SLC10A7: variants seen among roughly 807,000 people sequenced by gnomAD.
SLC10A7 encodes the protein sodium/bile acid cotransporter 7.
SLC10A7 carries 29 observed loss-of-function variants against 43.2 expected under a neutral mutation model. The observed-to-expected ratio is 0.67, with a 90% CI of 0.50 to 0.92. SLC10A7 has a LOEUF of 0.92. Among genes scored for constraint, SLC10A7 ranks in the 40% least tolerant of loss-of-function variants. The probability of loss-of-function intolerance (pLI) is 0.00; values close to 1 mark genes in which losing one functional copy is unlikely to be tolerated. For missense variants in SLC10A7, 295 were observed against 403.2 expected (o/e 0.73, Z 2.30); for synonymous variants, 152 against 144.8 (o/e 1.05, Z -0.35).
intron 5 of SLC10A7, among the ~76,000 whole-genome samples, chr4:146,438,237 GCC>G (rs1408594237): frequency 6.6e-6 from 1 of 151,962 alleles, no homozygotes; most frequent in Non-Finnish European, 1.5e-5. Context: ...TAGTTTTTCA[GCC>G]CAAGGCAAGG....
At chr4:146,368,272 A>G (rs2244317) in intron 5 of SLC10A7, among the ~76,000 whole-genome samples, 1 of 152,202 alleles carries the variant, frequency 6.6e-6, no homozygotes, top group Non-Finnish European at 1.5e-5. Context: ...CAACCCTTTC[A>G]GTCAAGGTTG....
intron 1 of SLC10A7, among the ~76,000 whole-genome samples, chr4:146,519,115 TATAA>T (rs1738355421): frequency 9.4e-6 from 1 of 106,064 alleles, no homozygotes; most frequent in Non-Finnish European, 1.9e-5. Flanking sequence ...ATATATATAA[TATAA>T]TATATAATTA....
intron 4 of SLC10A7, among the ~76,000 whole-genome samples, chr4:146,485,613 C>A (rs1312776142): frequency 2.0e-5 from 3 of 152,140 alleles, no homozygotes; most frequent in Admixed American, 6.5e-5. Context: ...CTAACTATGA[C>A]GGCTTCTGGA....
At chr4:146,283,386 TAA>T in intron 9 of SLC10A7, 121 bp from the exon 10 acceptor site, 1 of 723,626 alleles carries the variant, frequency 1.4e-6, no homozygotes, top group Non-Finnish European at 2.4e-6. Flanking sequence ...GTGACAGTAG[TAA>T]TTCTACACCC....
chr4:146,335,250 GTAAAAA>G (rs1476085423), intron 5 of SLC10A7, among the ~76,000 whole-genome samples: 6 of 70,624 alleles, frequency 8.5e-5, no homozygotes, highest in Admixed American at 6.8e-4. Context: ...CACAGATGTT[GTAAAAA>G]AAAAAAAAAA....
Position 146,345,967 on chromosome 4 carries a change from C to T in SLC10A7, c.436-19971G>A, listed in dbSNP as rs529555164. Among the ~76,000 whole-genome samples, 4 of 152,212 alleles carry T rather than the reference C, an allele frequency of 2.6e-5. No homozygotes were observed. In the East Asian group the frequency reaches 7.7e-4, roughly 29 times the overall value. On this transcript the variant is annotated intron_variant, in intron 5 of 11. Coordinates refer to ENST00000335472, the MANE Select transcript of SLC10A7 (RefSeq NM_001029998.6). Reference sequence around the variant, plus strand: ...CCATTTACAGATGAAGAAACCAATGCACACAGAGGTTAGCTAATTTGCCCA... The same window carrying T: ...CCATTTACAGATGAAGAAACCAATGTACACAGAGGTTAGCTAATTTGCCCA...
chr4:146,435,095 A>C (rs1730109386), intron 5 of SLC10A7, among the ~76,000 whole-genome samples: 1 of 152,216 alleles, frequency 6.6e-6, no homozygotes, highest in South Asian at 2.1e-4. Context: ...TCATTTTAAA[A>C]GTTAAAATCA....
chr4:146,379,083 C>A (rs184997228), intron 5 of SLC10A7, among the ~76,000 whole-genome samples: 2 of 152,314 alleles, frequency 1.3e-5, no homozygotes, highest in East Asian at 3.9e-4. Flanking sequence ...ATGTCCACTT[C>A]CTGTGGAGAG....
chr4:146,493,470 T>C lies in SLC10A7; in HGVS notation c.396+10379A>G, dbSNP rs537532553. Among the ~76,000 whole-genome samples the C allele has an allele frequency of 1.2e-3, 182 of 148,422 alleles. 1 individual carries two copies. The highest frequency in any genetic ancestry group is 2.2e-3 in the Non-Finnish European group (150 of 67,290). On this transcript the variant is annotated intron_variant, in intron 4 of 11. Transcript: ENST00000335472. ...CATTGCACTCCAGCCTGGGCAACAGTGCGAGACTCTGTCTCGAAAAAAAAA... is the reference window on the plus strand; with the variant it reads ...CATTGCACTCCAGCCTGGGCAACAGCGCGAGACTCTGTCTCGAAAAAAAAA...
intron 6 of SLC10A7, among the ~76,000 whole-genome samples, chr4:146,322,924 T>C (rs561815784): frequency 6.6e-6 from 1 of 152,210 alleles, no homozygotes; most frequent in African/African-American, 2.4e-5. Context: ...CTAACTGGTA[T>C]GAGATGGTAT....
intron 4 of SLC10A7, among the ~76,000 whole-genome samples, chr4:146,461,312 C>T (rs1453592020): frequency 6.6e-6 from 1 of 152,046 alleles, no homozygotes; most frequent in African/African-American, 2.4e-5. Flanking sequence ...AAACTCATTA[C>T]ATCTCAGTTT....
chr4:146,377,098 T>TA (rs1385631378), intron 5 of SLC10A7, among the ~76,000 whole-genome samples: 4 of 152,076 alleles, frequency 2.6e-5, no homozygotes, highest in East Asian at 1.9e-4. Context: ...TACATTTTTT[T>TA]TTATTATTAC....
intron 5 of SLC10A7, among the ~76,000 whole-genome samples, chr4:146,351,723 C>A (rs1021090325): frequency 1.3e-4 from 20 of 148,382 alleles, no homozygotes; most frequent in South Asian, 2.2e-4. Flanking sequence ...AGAGTGGGGG[C>A]CAATATTCAA....
chr4:146,439,018 T>C (rs945242465), intron 5 of SLC10A7, among the ~76,000 whole-genome samples: 3 of 151,958 alleles, frequency 2.0e-5, no homozygotes, highest in Non-Finnish European at 4.4e-5. Context: ...AAGAGAGAAA[T>C]CTCAAATCAC....
intron 5 of SLC10A7, among the ~76,000 whole-genome samples, chr4:146,351,030 G>C (rs376066209): frequency 6.7e-6 from 1 of 149,880 alleles, no homozygotes; most frequent in African/African-American, 2.5e-5. Flanking sequence ...AAGCTGGATG[G>C]AGAATGATTT....
chr4:146,456,176 G>A (rs1732034613), intron 4 of SLC10A7, among the ~76,000 whole-genome samples: 1 of 151,756 alleles, frequency 6.6e-6, no homozygotes, highest in African/African-American at 2.4e-5. Context: ...ATAAAGATAT[G>A]AGCAGAAACT....
intron 5 of SLC10A7, among the ~76,000 whole-genome samples, chr4:146,334,006 T>A (rs1016436691): frequency 1.3e-5 from 2 of 152,132 alleles, no homozygotes; most frequent in Non-Finnish European, 2.9e-5. Flanking sequence ...TAGTAGACTG[T>A]TCAATTAAGT....
At position 146,480,846 on chromosome 4, in the gene SLC10A7, CA is replaced by C. The variant is rs200401175; in HGVS notation, c.396+23002del. ...GCTGCTAGGGATCTTTCTCTCCCAC[CA>C]AAAAAAAACCCAAAATAATGAATAA... On this transcript the variant is annotated intron_variant, in intron 4 of 11. Coordinates refer to ENST00000335472, the MANE Select transcript of SLC10A7 (RefSeq NM_001029998.6). Among the ~76,000 whole-genome samples, 56 of 149,512 alleles carry C rather than the reference CA, an allele frequency of 3.7e-4. No individual in the cohort carries two copies. In the South Asian group the frequency reaches 0.011, roughly 28 times the overall value.
intron 4 of SLC10A7, among the ~76,000 whole-genome samples, chr4:146,492,325 C>A (rs1258757428): frequency 6.6e-6 from 1 of 152,006 alleles, no homozygotes; most frequent in Non-Finnish European, 1.5e-5. Flanking sequence ...ACAGATTAAA[C>A]CTGACTCCTT....
Sources: gnomAD v4.1 joint callset for allele counts (sites outside exome capture counted in the v4.1 genomes callset) on GRCh38, gnomAD v4.1.1 for gene constraint, MANE v1.5 for transcripts, NCBI Gene and HGNC (gene_info 2026-07-23, HGNC 2026-07-21) for gene names.